TEX26: variants seen among roughly 807,000 people sequenced by gnomAD.
The protein encoded by TEX26 is testis-expressed protein 26.
In TEX26, 34 loss-of-function variants were observed where a neutral mutation model predicts 35.3. That is an observed-to-expected ratio of 0.96 (90% CI 0.73 to 1.28). TEX26 has a LOEUF of 1.28. TEX26 is among the 50% of genes most tolerant of loss of function. The pLI, the probability that TEX26 is intolerant of heterozygous loss-of-function variation, is 0.00. For missense variants in TEX26, 371 were observed against 330.1 expected (o/e 1.12, Z -0.96); for synonymous variants, 136 against 111.8 (o/e 1.22, Z -1.36).
chr13:30,942,055 G>A (rs1032264852), intron 2 of TEX26, among the ~76,000 whole-genome samples: 4 of 152,164 alleles, frequency 2.6e-5, no homozygotes, highest in Non-Finnish European at 5.9e-5. Flanking sequence ...TCAAACGATA[G>A]ATCTACTGTT....
In TEX26 at chr13:30,944,884, G is replaced by A. The variant is rs1953646215; in HGVS notation, c.146+5106G>A. Among the ~76,000 whole-genome samples, 4 of 152,112 alleles carry A rather than the reference G, an allele frequency of 2.6e-5. No individual in the cohort carries two copies. The South Asian group carries it at 8.3e-4, about 31-fold the overall frequency. ...TATTGTATGGTCTATATTGAAGAAT[G>A]TCCCATGTGCTGATGAGAAAAATGT... On this transcript the variant is annotated intron_variant, in intron 2 of 6. Coordinates refer to ENST00000380473, the MANE Select transcript of TEX26 (RefSeq NM_152325.3).
At chr13:30,948,510 ATG>A (rs200076331) in intron 2 of TEX26, among the ~76,000 whole-genome samples, 3,779 of 152,076 alleles carry the variant, frequency 0.025, 165 homozygotes, top group African/African-American at 0.087. Flanking sequence ...GCATTTTTTC[ATG>A]TGTTTTTTGG....
intron 2 of TEX26, among the ~76,000 whole-genome samples, chr13:30,945,319 C>T (rs1474953236): frequency 1.3e-5 from 2 of 151,544 alleles, no homozygotes; most frequent in Admixed American, 6.6e-5. Context: ...CACCCTTTTT[C>T]CTTGGGTTTA....
chr13:30,939,525 A>G (rs2138178690), intron 1 of TEX26, among the ~76,000 whole-genome samples, 169 bp from the exon 2 acceptor site: 1 of 152,338 alleles, frequency 6.6e-6, no homozygotes, highest in African/African-American at 2.4e-5. Context: ...GATAAGTCGA[A>G]CTTCCTCATT....
chr13:30,933,096 A>G (rs1953136444), intron 1 of TEX26: 4 of 263,258 alleles, frequency 1.5e-5, no homozygotes, highest in Non-Finnish European at 2.9e-5. Flanking sequence ...ACAGGGCCAA[A>G]GGCAAAGAAG....
intron 1 of TEX26, among the ~76,000 whole-genome samples, chr13:30,936,408 C>G (rs1361453396): frequency 6.6e-6 from 1 of 152,176 alleles, no homozygotes; most frequent in Non-Finnish European, 1.5e-5. Flanking sequence ...ACTCTCATAC[C>G]TCATGCTACT....
At chr13:30,944,083 C>T (rs1164559989) in intron 2 of TEX26, among the ~76,000 whole-genome samples, 1 of 151,874 alleles carries the variant, frequency 6.6e-6, no homozygotes, top group Non-Finnish European at 1.5e-5. Context: ...TCCATCTGGC[C>T]CTGGCTTTTT....
At chr13:30,965,949 C>G (rs1434638566) in intron 4 of TEX26, among the ~76,000 whole-genome samples, 2 of 152,210 alleles carry the variant, frequency 1.3e-5, no homozygotes, top group Non-Finnish European at 2.9e-5. Flanking sequence ...CTCTCTGACA[C>G]CCACCTCTGC....
intron 3 of TEX26, among the ~76,000 whole-genome samples, chr13:30,953,468 T>C (rs563482374): frequency 3.9e-5 from 6 of 152,238 alleles, no homozygotes; most frequent in African/African-American, 9.6e-5. Flanking sequence ...CTTCCGCGGA[T>C]AAACCACAGT....
At chr13:30,974,559 C>T (rs1954821141) in intron 6 of TEX26, among the ~76,000 whole-genome samples, 2 of 152,190 alleles carry the variant, frequency 1.3e-5, no homozygotes, top group Non-Finnish European at 1.5e-5. Flanking sequence ...CATTTGCTAA[C>T]AACTGCCAGC....
intron 6 of TEX26, among the ~76,000 whole-genome samples, chr13:30,969,377 T>C (rs910836262): frequency 1.3e-5 from 2 of 152,258 alleles, no homozygotes; most frequent in African/African-American, 2.4e-5. Flanking sequence ...TGGGTGTTTG[T>C]ACAGTCACGT....
At chr13:30,948,219 T>C (rs990669959) in intron 2 of TEX26, among the ~76,000 whole-genome samples, 6 of 152,234 alleles carry the variant, frequency 3.9e-5, no homozygotes, top group African/African-American at 1.2e-4. Flanking sequence ...TGTGTCTTTA[T>C]AGCAGCATGA....
chr13:30,937,513 T>G (rs1953319058), intron 1 of TEX26, among the ~76,000 whole-genome samples: 1 of 133,048 alleles, frequency 7.5e-6, no homozygotes, highest in Non-Finnish European at 1.7e-5. Flanking sequence ...AGAGAAGGCT[T>G]CTTTTACGAG....
intron 6 of TEX26, 133 bp downstream of exon 6, chr13:30,969,179 A>G (rs1954638391): frequency 1.2e-6 from 1 of 862,450 alleles, no homozygotes; most frequent in Non-Finnish European, 1.7e-6. Flanking sequence ...AAAAAAAAAA[A>G]ACTCATAGTG....
intron 2 of TEX26, among the ~76,000 whole-genome samples, chr13:30,952,001 A>ATTTTTTTTTTTTTTTTTTTT (rs751918742): frequency 2.0e-5 from 1 of 50,690 alleles, no homozygotes; most frequent in Non-Finnish European, 3.3e-5. Context: ...TTATTCTGGG[A>ATTTTTTTTTTTTTTTTTTTT]TTTTTTTTTT....
chr13:30,971,814 T>C (rs1453999205), intron 6 of TEX26, among the ~76,000 whole-genome samples: 1 of 152,168 alleles, frequency 6.6e-6, no homozygotes, highest in Non-Finnish European at 1.5e-5. Flanking sequence ...GTGTCATCAG[T>C]CCACTTTTCC....
chr13:30,952,983 A>T (rs926865069), intron 3 of TEX26, among the ~76,000 whole-genome samples, 158 bp downstream of exon 3: 6 of 152,096 alleles, frequency 3.9e-5, no homozygotes, highest in Non-Finnish European at 7.4e-5. Flanking sequence ...TCTCACATTT[A>T]TTTCTAACCT....
intron 5 of TEX26, among the ~76,000 whole-genome samples, chr13:30,966,964 C>T (rs1954559991): frequency 6.6e-6 from 1 of 152,170 alleles, no homozygotes; most frequent in Admixed American, 6.6e-5. Context: ...TGAGTATCAT[C>T]CCTGCTGGGG....
At chr13:30,940,734 T>C (rs953221527) in intron 2 of TEX26, among the ~76,000 whole-genome samples, 2 of 152,112 alleles carry the variant, frequency 1.3e-5, no homozygotes, top group African/African-American at 4.8e-5. Flanking sequence ...GAGAATCTTT[T>C]CACCTTAAGC....
Sources: gnomAD v4.1 joint callset for allele counts (sites outside exome capture counted in the v4.1 genomes callset) on GRCh38, gnomAD v4.1.1 for gene constraint, MANE v1.5 for transcripts, NCBI Gene and HGNC (gene_info 2026-07-23, HGNC 2026-07-21) for gene names.